The following WDR89 variants were observed in gnomAD, a reference collection of about 807,000 sequenced individuals.
The protein encoded by WDR89 is WD repeat-containing protein 89.
WDR89 carries 17 observed loss-of-function variants against 29.1 expected under a neutral mutation model. The ratio of observed to expected loss-of-function variants is 0.58; its 90% CI spans 0.40 to 0.88. WDR89 has a LOEUF of 0.88. Among genes scored for constraint, WDR89 ranks in the 40% least tolerant of loss-of-function variants. The pLI, the probability that WDR89 is intolerant of heterozygous loss-of-function variation, is 0.00. For synonymous variants in WDR89, 138 were observed against 157.8 expected, an observed-to-expected ratio of 0.87 and a Z score of 0.94; for missense variants, 396 against 456.3, an observed-to-expected ratio of 0.87 and a Z score of 1.20.
At chr14:63,628,098 G>A (rs1373004068) in intron 1 of WDR89, among the ~76,000 whole-genome samples, 3 of 152,116 alleles carry the variant, frequency 2.0e-5, no homozygotes, top group East Asian at 3.9e-4. Flanking sequence ...TCAGCCGAAC[G>A]TGGTGGTGTG....
At chr14:63,601,531 T>C (rs1327141491) in intron 2 of WDR89, 4 of 1,543,004 alleles carry the variant, frequency 2.6e-6, no homozygotes, top group Non-Finnish European at 2.7e-6. Context: ...GCGTTTAAGT[T>C]TCTTCCACTC....
chr14:63,602,024 G>A (rs1008889237), intron 2 of WDR89, among the ~76,000 whole-genome samples: 1 of 152,082 alleles, frequency 6.6e-6, no homozygotes, highest in Non-Finnish European at 1.5e-5. Context: ...TTCTTAAGAT[G>A]AAATGTTTTT....
chr14:63,635,332 G>A (rs759320235), intron 1 of WDR89, among the ~76,000 whole-genome samples: 1 of 152,102 alleles, frequency 6.6e-6, no homozygotes, highest in African/African-American at 2.4e-5. Flanking sequence ...ACATACACAA[G>A]TCAATAAATG....
intron 2 of WDR89, 50 bp from the exon 3 acceptor site, chr14:63,600,023 G>A (rs1414852893): frequency 8.9e-7 from 1 of 1,128,462 alleles, no homozygotes; most frequent in East Asian, 3.0e-5. Flanking sequence ...TAACAAGGGA[G>A]ACACATAAAA....
At chr14:63,620,802 G>C (rs537029503) in intron 2 of WDR89, among the ~76,000 whole-genome samples, 4 of 151,718 alleles carry the variant, frequency 2.6e-5, no homozygotes, top group Non-Finnish European at 5.9e-5. Context: ...GGAGGCTAAG[G>C]CATGAAAATT....
intron 2 of WDR89, among the ~76,000 whole-genome samples, chr14:63,605,211 T>TACACACACACACACACACAC (rs200461481): frequency 1.5e-4 from 15 of 102,424 alleles, no homozygotes; most frequent in African/African-American, 3.4e-4. Context: ...TACATACACA[T>TACACACACACACACACACAC]ACACACACAC....
intron 1 of WDR89, among the ~76,000 whole-genome samples, chr14:63,637,735 T>A (rs1388063482): frequency 6.6e-6 from 1 of 152,004 alleles, no homozygotes; most frequent in Non-Finnish European, 1.5e-5. Flanking sequence ...TTCTCACTGA[T>A]ATGTGGGAGC....
At chr14:63,626,050 C>T (rs560827600) in intron 1 of WDR89, among the ~76,000 whole-genome samples, 26 of 152,130 alleles carry the variant, frequency 1.7e-4, no homozygotes, top group Admixed American at 1.0e-3. Flanking sequence ...GATGGGGTTT[C>T]ACCATGTTGG....
intron 1 of WDR89, among the ~76,000 whole-genome samples, chr14:63,627,785 T>C (rs1032699039): frequency 6.6e-6 from 1 of 151,642 alleles, no homozygotes; most frequent in Non-Finnish European, 1.5e-5. Context: ...TAAATTTCAC[T>C]GTATGAAAAA....
intron 2 of WDR89, among the ~76,000 whole-genome samples, chr14:63,617,358 G>A (rs984381016): frequency 1.3e-5 from 2 of 151,954 alleles, no homozygotes; most frequent in African/African-American, 4.8e-5. Context: ...TGGGATTATG[G>A]GAATGCGCCA....
At chr14:63,636,035 C>T (rs1489404124) in intron 1 of WDR89, among the ~76,000 whole-genome samples, 1 of 151,992 alleles carries the variant, frequency 6.6e-6, no homozygotes, top group African/African-American at 2.4e-5. Flanking sequence ...GGTGAAACCC[C>T]ATCTCTATCA....
At chr14:63,636,385 G>C (rs8009516) in intron 1 of WDR89, among the ~76,000 whole-genome samples, 30,348 of 151,954 alleles carry the variant, frequency 0.2, 6,571 homozygotes, top group African/African-American at 0.54. Flanking sequence ...AAAATACCAC[G>C]ATCATTCTTC....
chr14:63,638,532 A>G (rs1418614366), intron 1 of WDR89, among the ~76,000 whole-genome samples: 1 of 152,270 alleles, frequency 6.6e-6, no homozygotes, highest in African/African-American at 2.4e-5. Flanking sequence ...ATGAACATAT[A>G]AAACTGAATG....
intron 2 of WDR89, among the ~76,000 whole-genome samples, chr14:63,615,980 C>A (rs1282478417): frequency 6.6e-6 from 1 of 151,228 alleles, no homozygotes; most frequent in Non-Finnish European, 1.5e-5. Context: ...CAGTGGCTCA[C>A]ACCTATAATG....
intron 2 of WDR89, among the ~76,000 whole-genome samples, chr14:63,607,049 T>C (rs1351243591): frequency 6.6e-6 from 1 of 152,238 alleles, no homozygotes; most frequent in Non-Finnish European, 1.5e-5. Context: ...GTAAATTCTA[T>C]GTATCAGAAG....
intron 2 of WDR89, among the ~76,000 whole-genome samples, chr14:63,617,144 G>A (rs1422195467): frequency 2.1e-5 from 3 of 145,000 alleles, no homozygotes; most frequent in East Asian, 2.0e-4. Context: ...ACAATGGCGC[G>A]ATCTCGGCTC....
rs188903099 is a variant in WDR89, at chr14:63,607,813, G to A, written c.-31-7840C>T. On this transcript the variant is annotated intron_variant, in intron 2 of 2. Coordinates refer to ENST00000620954, the MANE Select transcript of WDR89 (RefSeq NM_080666.4). ...GGAGAATCGCTTGAACCCAGGAGGCGGAGTTTGCAGTGAGCCAAGATGGCG... is the reference window on the plus strand; with the variant it reads ...GGAGAATCGCTTGAACCCAGGAGGCAGAGTTTGCAGTGAGCCAAGATGGCG... Among the ~76,000 whole-genome samples the A allele has an allele frequency of 5.5e-3, 837 of 150,982 alleles. 13 individuals are homozygous for A. The highest frequency in any genetic ancestry group is 0.019 in the African/African-American group (795 of 41,048).
chr14:63,610,780 G>A (rs910142128), intron 2 of WDR89, among the ~76,000 whole-genome samples: 11 of 145,338 alleles, frequency 7.6e-5, no homozygotes, highest in Non-Finnish European at 1.3e-4. Flanking sequence ...TCGGCTCACT[G>A]CAACCTCCAC....
intron 1 of WDR89, among the ~76,000 whole-genome samples, chr14:63,630,997 C>G (rs1883364397): frequency 6.6e-6 from 1 of 152,066 alleles, no homozygotes; most frequent in Non-Finnish European, 1.5e-5. Flanking sequence ...CAGACCTGGT[C>G]TTAAAAAATC....
Sources: gnomAD v4.1 joint callset for allele counts (sites outside exome capture counted in the v4.1 genomes callset) on GRCh38, gnomAD v4.1.1 for gene constraint, MANE v1.5 for transcripts, NCBI Gene and HGNC (gene_info 2026-07-23, HGNC 2026-07-21) for gene names.